The following EBPL variants were observed in gnomAD, a reference collection of about 807,000 sequenced individuals.
EBPL encodes EBP like, also known as emopamil-binding protein-like.
In EBPL, 20 loss-of-function variants were observed where a neutral mutation model predicts 19.0. That is an observed-to-expected ratio of 1.05 (90% confidence interval 0.74 to 1.53). The LOEUF (loss-of-function observed/expected upper bound fraction) is 1.53. Among genes scored for constraint, EBPL ranks in the 40% most tolerant of loss-of-function variants. The pLI is 0.00. For synonymous variants in EBPL, 107 were observed against 117.0 expected (o/e 0.91, Z 0.55); for missense variants, 219 against 261.1 (o/e 0.84, Z 1.11).
At chr13:49,669,734 A>G (rs1953789891) in intron 2 of EBPL, 43 bp downstream of exon 2, 1 of 1,560,848 alleles carries the variant, frequency 6.4e-7, no homozygotes, top group African/African-American at 1.4e-5. Context: ...CTTGCAATAA[A>G]CCTCCTCCAA....
chr13:49,682,218 G>A (rs1953950056), intron 1 of EBPL, among the ~76,000 whole-genome samples: 1 of 144,682 alleles, frequency 6.9e-6, no homozygotes, highest in African/African-American at 2.4e-5. Flanking sequence ...GAACTACCAG[G>A]ATCAAACAGT....
chr13:49,669,624 C>T (rs541451485), intron 2 of EBPL, among the ~76,000 whole-genome samples, 153 bp downstream of exon 2: 5 of 152,040 alleles, frequency 3.3e-5, no homozygotes, highest in Non-Finnish European at 5.9e-5. Context: ...CTCATTCCCA[C>T]GCAACCAGTA....
At position 49,691,316 on chromosome 13, in the gene EBPL, C is replaced by CT; in HGVS notation, c.108_109insA (p.Gly37ArgfsTer52). 1 of 1,365,648 alleles carries CT rather than the reference C, an allele frequency of 7.3e-7. No individual in the cohort carries two copies. The highest frequency in any genetic ancestry group is 9.5e-7 in the Non-Finnish European group (1 of 1,055,444). The allele number at this position is 1,365,648 out of a possible 1,614,324, so 84.6% of individuals were successfully genotyped here. A position where few individuals can be genotyped will look rare whatever the true frequency, so the allele number is the denominator to read the frequency against. On this transcript the variant is annotated frameshift_variant, in exon 1 of 4. Transcript: ENST00000242827. LOFTEE classifies it high-confidence loss of function. Reference sequence around the variant, plus strand: ...ATGAGCGCCCCGCGGTCCGCCGCCCCCTGCCCGCGGCCCAGGCGCAGGCCC... The same window carrying CT: ...ATGAGCGCCCCGCGGTCCGCCGCCCCTCTGCCCGCGGCCCAGGCGCAGGCCC...
At chr13:49,687,752 C>T (rs1005113191) in intron 1 of EBPL, among the ~76,000 whole-genome samples, 1 of 152,224 alleles carries the variant, frequency 6.6e-6, no homozygotes, top group Non-Finnish European at 1.5e-5. Context: ...GCAGTAACAT[C>T]TGGCCTTCAT....
At chr13:49,690,152 GAAC>G (rs1782898075) in intron 1 of EBPL, among the ~76,000 whole-genome samples, 2 of 32,966 alleles carry the variant, frequency 6.1e-5, no homozygotes, top group East Asian at 5.0e-4. Context: ...TCTGTCTCAA[GAAC>G]AACAACAAAA....
chr13:49,667,307 C>T (rs1311632921), intron 2 of EBPL, among the ~76,000 whole-genome samples: 1 of 152,180 alleles, frequency 6.6e-6, no homozygotes, highest in Admixed American at 6.5e-5. Flanking sequence ...TGACTGATAA[C>T]TGGACTTAGG....
chr13:49,670,669 A>G (rs188175085), intron 1 of EBPL, among the ~76,000 whole-genome samples: 1 of 152,338 alleles, frequency 6.6e-6, no homozygotes, highest in Admixed American at 6.5e-5. Flanking sequence ...GACTACTAGC[A>G]GGAAAAGCTA....
At chr13:49,661,835 A>T in intron 3 of EBPL, 1 of 1,550,038 alleles carries the variant, frequency 6.5e-7, no homozygotes, top group East Asian at 2.4e-5. Flanking sequence ...TCATTACAAG[A>T]TGGTGGAAAA....
At chr13:49,671,783 C>T (rs1305275057) in intron 1 of EBPL, among the ~76,000 whole-genome samples, 1 of 152,206 alleles carries the variant, frequency 6.6e-6, no homozygotes, top group Non-Finnish European at 1.5e-5. Flanking sequence ...CCACTGGCGA[C>T]CTCTTTCACT....
intron 1 of EBPL, among the ~76,000 whole-genome samples, chr13:49,685,851 C>A (rs1985130): frequency 4.0e-5 from 6 of 148,922 alleles, no homozygotes; most frequent in African/African-American, 1.2e-4. Flanking sequence ...CCAGCCTGGG[C>A]GAGAGAGAGA....
chr13:49,673,667 C>T (rs1324114770), intron 1 of EBPL, among the ~76,000 whole-genome samples: 1 of 152,122 alleles, frequency 6.6e-6, no homozygotes, highest in East Asian at 1.9e-4. Flanking sequence ...GAACTCCTGA[C>T]CTCAAGCGAT....
At chr13:49,671,938 C>T (rs9535294) in intron 1 of EBPL, among the ~76,000 whole-genome samples, 28,046 of 152,204 alleles carry the variant, frequency 0.18, 3,244 homozygotes, top group Non-Finnish European at 0.26. Context: ...CCTTTTACAT[C>T]TACTTGTTGA....
At chr13:49,666,733 A>AT (rs1491458578) in intron 2 of EBPL, among the ~76,000 whole-genome samples, 90 of 139,938 alleles carry the variant, frequency 6.4e-4, no homozygotes, top group African/African-American at 2.1e-3. Flanking sequence ...AAAAAAAAAA[A>AT]ACAAAAATTA....
At chr13:49,673,351 A>G (rs1433763530) in intron 1 of EBPL, among the ~76,000 whole-genome samples, 1 of 152,266 alleles carries the variant, frequency 6.6e-6, no homozygotes, top group East Asian at 1.9e-4. Flanking sequence ...ACGAATGTTC[A>G]TAGCAGCTTT....
intron 1 of EBPL, among the ~76,000 whole-genome samples, chr13:49,675,783 C>T (rs547902918): frequency 6.8e-4 from 103 of 152,214 alleles, no homozygotes; most frequent in South Asian, 1.5e-3. Context: ...CTTTCTGCAG[C>T]GCTGGCACCA....
intron 1 of EBPL, among the ~76,000 whole-genome samples, chr13:49,678,259 C>T (rs1242169827): frequency 6.6e-6 from 1 of 152,226 alleles, no homozygotes; most frequent in Non-Finnish European, 1.5e-5. Flanking sequence ...CTCAGAAGCC[C>T]AGCTGGCTTC....
chr13:49,664,112 C>T (rs965553117), intron 2 of EBPL, among the ~76,000 whole-genome samples: 7 of 151,618 alleles, frequency 4.6e-5, no homozygotes, highest in Admixed American at 6.6e-5. Flanking sequence ...AGTAGCTGGG[C>T]GTGGTGGCGC....
chr13:49,688,321 T>C (rs1472806457), intron 1 of EBPL, among the ~76,000 whole-genome samples: 2 of 152,104 alleles, frequency 1.3e-5, no homozygotes, highest in African/African-American at 4.8e-5. Context: ...GTTGGACATC[T>C]GGGAAATGAA....
chr13:49,661,886 C>A (rs765569436), intron 3 of EBPL: 10 of 1,550,462 alleles, frequency 6.4e-6, no homozygotes. Context: ...TTTAGGGATT[C>A]ATCTCAGGAT....
Sources: allele counts gnomAD v4.1 joint callset (sites outside exome capture counted in the v4.1 genomes callset), GRCh38; gene constraint gnomAD v4.1.1; transcripts MANE v1.5; gene names NCBI Gene and HGNC (gene_info 2026-07-23, HGNC 2026-07-21).